Variants in PMS1 observed in about 807,000 individuals in gnomAD.
PMS1 encodes the protein PMS1 homolog 1, mismatch repair system component, also known as PMS1 protein homolog 1.
Under a neutral mutation model 93.1 loss-of-function variants are expected in PMS1, and 79 were observed. The observed-to-expected ratio is 0.85, with a 90% CI of 0.71 to 1.02. The LOEUF is 1.02. Among genes scored for constraint, PMS1 ranks in the 50% least tolerant of loss-of-function variants. The pLI, the probability that PMS1 is intolerant of heterozygous loss-of-function variation, is 0.00. For synonymous variants in PMS1, 335 were observed against 363.4 expected (o/e 0.92, Z 0.89); for missense variants, 1,064 against 1,085.3 (o/e 0.98, Z 0.28).
chr2:189,785,741 T>G (rs985911653), intron 1 of PMS1, among the ~76,000 whole-genome samples: 1 of 141,342 alleles, frequency 7.1e-6, no homozygotes, highest in African/African-American at 2.6e-5. Flanking sequence ...GCTTGAAGAG[T>G]TGATACTGAA....
At chr2:189,855,794 C>G (rs373572849) in intron 9 of PMS1, 3 of 551,706 alleles carry the variant, frequency 5.4e-6, no homozygotes, top group East Asian at 1.1e-4. Flanking sequence ...ATAAATGTTC[C>G]AAAATAATAT....
At chr2:189,853,371 A>G (rs933635850) in intron 7 of PMS1, among the ~76,000 whole-genome samples, 1 of 151,810 alleles carries the variant, frequency 6.6e-6, no homozygotes, top group African/African-American at 2.4e-5. Flanking sequence ...TTTGAACCCT[A>G]AGCCTTCAGA....
At chr2:189,832,093 T>C (rs1290919041) in intron 5 of PMS1, among the ~76,000 whole-genome samples, 1 of 152,024 alleles carries the variant, frequency 6.6e-6, no homozygotes, top group Non-Finnish European at 1.5e-5. Flanking sequence ...CTGAACAAAA[T>C]AGGTTGTATG....
intron 11 of PMS1, among the ~76,000 whole-genome samples, chr2:189,869,794 A>C (rs1037726284): frequency 2.7e-5 from 4 of 149,682 alleles, no homozygotes; most frequent in African/African-American, 7.5e-5. Context: ...TCTAGCCTGC[A>C]TGACCGAGTG....
chr2:189,820,881 A>T (rs962257317), intron 5 of PMS1, among the ~76,000 whole-genome samples: 1 of 152,194 alleles, frequency 6.6e-6, no homozygotes, highest in Non-Finnish European at 1.5e-5. Flanking sequence ...ATCATTTAAA[A>T]TAAGAATAGC....
At chr2:189,832,198 A>G (rs5743072) in intron 5 of PMS1, among the ~76,000 whole-genome samples, 29,972 of 152,072 alleles carry the variant, frequency 0.2, 3,103 homozygotes, top group African/African-American at 0.25. Context: ...TTGAAGGAGA[A>G]TAACTTAAGA....
chr2:189,846,500 C>A (rs955726114), intron 6 of PMS1, among the ~76,000 whole-genome samples: 1 of 143,740 alleles, frequency 7.0e-6, no homozygotes, highest in Admixed American at 7.0e-5. Context: ...GGCAACAGAG[C>A]AAGACTCCGT....
intron 5 of PMS1, among the ~76,000 whole-genome samples, chr2:189,824,771 CT>C (rs1444030209): frequency 6.6e-6 from 1 of 151,900 alleles, no homozygotes; most frequent in East Asian, 1.9e-4. Context: ...TATGTTCAAG[CT>C]TTTTTCTCAT....
At chr2:189,806,440 C>T in intron 4 of PMS1, 1 of 320,110 alleles carries the variant, frequency 3.1e-6, no homozygotes, top group Non-Finnish European at 6.1e-6. Flanking sequence ...CTCTGTCACA[C>T]AGGCTGGACT....
chr2:189,857,160 A>G (rs370502697), intron 9 of PMS1, among the ~76,000 whole-genome samples: 7 of 152,168 alleles, frequency 4.6e-5, no homozygotes, highest in Non-Finnish European at 7.4e-5. Flanking sequence ...ATTGCTCACA[A>G]TGTCAATATG....
At chr2:189,865,518 C>T (rs1207418128) in intron 10 of PMS1, among the ~76,000 whole-genome samples, 1 of 152,142 alleles carries the variant, frequency 6.6e-6, no homozygotes, top group Non-Finnish European at 1.5e-5. Context: ...GCCTGTCTTT[C>T]ACTGGAAAGT....
intron 9 of PMS1, among the ~76,000 whole-genome samples, chr2:189,858,626 A>T (rs1265645965): frequency 6.6e-6 from 1 of 152,130 alleles, no homozygotes. Flanking sequence ...TTTTGAACTC[A>T]TTTTACCACT....
At chr2:189,828,737 T>G in intron 5 of PMS1, among the ~76,000 whole-genome samples, 1 of 152,180 alleles carries the variant, frequency 6.6e-6, no homozygotes, top group East Asian at 1.9e-4. Flanking sequence ...TGCCCAAACT[T>G]AGCTTTTCAA....
In PMS1 at chr2:189,854,791, T is replaced by G. The variant is rs2106463252; in HGVS notation, c.1519T>G (p.Ser507Ala). ...GAGCAGGGGAAATATACTTAAAAAT[T>G]CAGTGGGAGAGAATATTGAACCTGT... ...EWSRGNILKN[S>A]VGENIEPVKI... The change falls in exon 9 of 13, where the codon TCA becomes GCA. Residue 507 changes from serine (S) to alanine (A), a missense_variant. Physicochemically the swap from Ser to Ala is moderately conservative, Grantham distance 99. Coordinates refer to ENST00000441310, the MANE Select transcript of PMS1 (RefSeq NM_000534.5). The G allele has an allele frequency of 6.2e-7, 1 of 1,613,620 alleles. No homozygotes were observed. Among genetic ancestry groups the G allele is most frequent in the South Asian group, 1.1e-5 (1 of 91,058 alleles).
At chr2:189,806,654 C>G (rs1247208144) in intron 4 of PMS1, 1 of 202,296 alleles carries the variant, frequency 4.9e-6, no homozygotes, top group East Asian at 7.6e-5. Flanking sequence ...GCCTTGGCCT[C>G]CCAGAGTGCT....
rs375594683 is a variant in PMS1 at position 189,784,470 on chromosome 2, C to A, written c.-144C>A. The A allele has an allele frequency of 6.6e-6, 1 of 152,436 alleles. No homozygotes were observed. The highest frequency in any genetic ancestry group is 2.4e-5 in the African/African-American group (1 of 41,474). The allele number at this position is 152,436 out of a possible 1,614,324, so 9.4% of individuals were successfully genotyped here. A position where few individuals can be genotyped will look rare whatever the true frequency, so the allele number is the denominator to read the frequency against. Reference sequence around the variant, plus strand: ...GACTCAGTGCCGCGCTCTCTGCACCCGCTCTGCCGCGCGCGTGCGTGCTGG... The same window carrying A: ...GACTCAGTGCCGCGCTCTCTGCACCAGCTCTGCCGCGCGCGTGCGTGCTGG... On this transcript the variant is annotated 5_prime_UTR_variant, in exon 1 of 13. Transcript: ENST00000441310.
At chr2:189,802,492 G>A (rs2049979285) in intron 3 of PMS1, among the ~76,000 whole-genome samples, 1 of 152,146 alleles carries the variant, frequency 6.6e-6, no homozygotes, top group South Asian at 2.1e-4. Context: ...GTCTCTGGTG[G>A]CAGAAAATCT....
chr2:189,873,950 C>T (rs2057356530), intron 12 of PMS1, among the ~76,000 whole-genome samples: 2 of 152,118 alleles, frequency 1.3e-5, no homozygotes, highest in South Asian at 4.1e-4. Context: ...TCCCTGGTGC[C>T]AAAAAGCTTG....
chr2:189,817,187 T>A (rs955256756), intron 4 of PMS1, among the ~76,000 whole-genome samples: 2 of 152,192 alleles, frequency 1.3e-5, no homozygotes, highest in African/African-American at 4.8e-5. Flanking sequence ...TGGCCAAATG[T>A]CAATGCTGCG....
Sources: allele counts gnomAD v4.1 joint callset (sites outside exome capture counted in the v4.1 genomes callset), GRCh38; gene constraint gnomAD v4.1.1; transcripts MANE v1.5; gene names NCBI Gene and HGNC (gene_info 2026-07-23, HGNC 2026-07-21).